The following RPL9 variants were observed in gnomAD, a reference collection of about 807,000 sequenced individuals.
The protein encoded by RPL9 is large ribosomal subunit protein uL6.
For missense variants in RPL9, 149 were observed against 236.7 expected, an observed-to-expected ratio of 0.63 and a Z score of 2.43; for synonymous variants, 82 against 77.1, an observed-to-expected ratio of 1.06 and a Z score of -0.33.
At position 39,458,894 on chromosome 4, in the gene RPL9, G is replaced by T; in HGVS notation, c.-5C>A. 1 of 702,590 alleles carries T rather than the reference G, an allele frequency of 1.4e-6. No homozygotes were observed. The highest frequency in any genetic ancestry group is 1.5e-5 in the South Asian group (1 of 67,000). The allele number at this position is 702,590 out of a possible 1,614,324, so 43.5% of individuals were successfully genotyped here. On this transcript the variant is annotated 5_prime_UTR_variant, in exon 1 of 8. Coordinates refer to ENST00000295955, the MANE Select transcript of RPL9 (RefSeq NM_000661.5). ...ACGAGCACAGAAACATCCTTACCTC[G>T]CAGTAGACGCAGCAAAGAAAGAACG...
chr4:39,457,977 G>GT, intron 3 of RPL9: 1 of 687,580 alleles, frequency 1.5e-6, no homozygotes, highest in South Asian at 1.5e-5. Flanking sequence ...CCATTAAGAC[G>GT]TGTCACTGAT....
At chr4:39,457,046 G>A (rs561408857) in intron 4 of RPL9, 44 of 159,384 alleles carry the variant, frequency 2.8e-4, no homozygotes, top group African/African-American at 1.0e-3. Flanking sequence ...GGGGAGAGAC[G>A]GTGGGTTGGA....
chr4:39,454,708 T>C (rs2109853617), intron 6 of RPL9, 59 bp from the exon 7 acceptor site: 1 of 1,494,696 alleles, frequency 6.7e-7, no homozygotes, highest in East Asian at 2.3e-5. Flanking sequence ...AAAAAGAAAG[T>C]ATTTCATTAT....
rs755510253 is a variant in RPL9, at chr4:39,458,381, T to C, written c.46+13A>G. 6.2e-7 allele frequency: 1 copy of C among 1,614,076 alleles called. No homozygotes were observed. The highest frequency in any genetic ancestry group is 8.5e-7 in the Non-Finnish European group (1 of 1,179,962). On this transcript the variant is annotated intron_variant, in intron 2 of 7. Transcript: ENST00000295955. ...GCAGTAAAGATGTAAGTAAAAGACATCAAGTCTCATACCATTTTCTGGAAT... is the reference window on the plus strand; with the variant it reads ...GCAGTAAAGATGTAAGTAAAAGACACCAAGTCTCATACCATTTTCTGGAAT...
chr4:39,457,539 G>T (rs189580068), intron 4 of RPL9, 47 bp downstream of exon 4: 1 of 1,468,584 alleles, frequency 6.8e-7, no homozygotes, highest in Non-Finnish European at 9.5e-7. Flanking sequence ...GCACAGGTTT[G>T]AGAAACCTCC....
chr4:39,457,469 G>A lies in RPL9; in HGVS notation c.258+117C>T, dbSNP rs149525981. 9.3e-5 allele frequency: 83 copies of A among 897,294 alleles called. No homozygotes were observed. In the African/African-American group the frequency reaches 1.0e-3, roughly 11 times the overall value. The allele number at this position is 897,294 out of a possible 1,614,324, so 55.6% of individuals were successfully genotyped here. On this transcript the variant is annotated intron_variant, in intron 4 of 7. Coordinates refer to ENST00000295955, the MANE Select transcript of RPL9 (RefSeq NM_000661.5). ...ATGCCTATTTTTGCCAAGTTCTTGC[G>A]TATTACACCAAATAAAATACATGAC... is the stretch of plus-strand genomic sequence containing the variant.
intron 5 of RPL9, 45 bp from the exon 6 acceptor site, chr4:39,454,989 A>C: frequency 6.5e-7 from 1 of 1,536,552 alleles, no homozygotes; most frequent in Non-Finnish European, 8.9e-7. Flanking sequence ...TCTGTGTAAA[A>C]AATATTTAAA....
At chr4:39,458,605 G>A (rs1192619350) in intron 1 of RPL9, 165 bp from the exon 2 acceptor site, 4 of 685,440 alleles carry the variant, frequency 5.8e-6, no homozygotes, top group Admixed American at 2.7e-5. Context: ...CAGCCTGGAA[G>A]GAGCAGCCCC....
At chr4:39,456,600 A>G in intron 4 of RPL9, 62 bp from the exon 5 acceptor site, 1 of 1,549,490 alleles carries the variant, frequency 6.5e-7, no homozygotes, top group Non-Finnish European at 8.8e-7. Context: ...TAGTTTTAAA[A>G]TTTTCTAAGA....
chr4:39,458,743 G>C (rs549951178), intron 1 of RPL9, 148 bp downstream of exon 1: 10 of 659,684 alleles, frequency 1.5e-5, no homozygotes, highest in African/African-American at 5.3e-5. Context: ...AACAGGATTC[G>C]CATCTGGCGC....
rs1744033890 is a variant in RPL9 at position 39,455,087 on chromosome 4, C to T, written c.392-143G>A. 6.5e-6 allele frequency: 5 copies of T among 774,220 alleles called. No individual in the cohort carries two copies. In the East Asian group the frequency reaches 1.1e-4, roughly 18 times the overall value. The allele number at this position is 774,220 out of a possible 1,614,324, so 48.0% of individuals were successfully genotyped here. A position where few individuals can be genotyped will look rare whatever the true frequency, so the allele number is the denominator to read the frequency against. On this transcript the variant is annotated intron_variant, in intron 5 of 7. Coordinates refer to ENST00000295955, the MANE Select transcript of RPL9 (RefSeq NM_000661.5). Reference sequence around the variant, plus strand: ...TTTTGAGGCCGGGCACAGTGGCTCACGCCTGTAATCTCAGCACTTTGGGAG... The same window carrying T: ...TTTTGAGGCCGGGCACAGTGGCTCATGCCTGTAATCTCAGCACTTTGGGAG...
intron 2 of RPL9, 34 bp downstream of exon 2, chr4:39,458,360 T>A: frequency 6.2e-7 from 1 of 1,613,938 alleles, no homozygotes; most frequent in Non-Finnish European, 8.5e-7. Flanking sequence ...GAACGTGCAG[T>A]AAAGATGTAA....
At chr4:39,456,795 A>C in intron 4 of RPL9, 2 of 408,050 alleles carry the variant, frequency 4.9e-6, no homozygotes, top group East Asian at 5.0e-5. Flanking sequence ...GAGAACCCCA[A>C]AGCCCTGATC....
At chr4:39,454,405 T>C (rs1744006438) in intron 7 of RPL9, 128 bp downstream of exon 7, 1 of 700,576 alleles carries the variant, frequency 1.4e-6, no homozygotes. Context: ...TTCTGTCAAA[T>C]TTACTGTGTT....
chr4:39,456,304 C>A, intron 5 of RPL9, 102 bp downstream of exon 5: 1 of 1,343,806 alleles, frequency 7.4e-7, no homozygotes, highest in Non-Finnish European at 1.1e-6. Flanking sequence ...TCAGCACAAA[C>A]ACAAAACAAC....
chr4:39,458,654 T>G, intron 1 of RPL9: 1 of 624,234 alleles, frequency 1.6e-6, no homozygotes, highest in Non-Finnish European at 2.8e-6. Flanking sequence ...GAACTCCCAC[T>G]CAGCCCAACC....
chr4:39,458,732 C>G lies in RPL9; in HGVS notation c.-2+159G>C, dbSNP rs11550000. On this transcript the variant is annotated intron_variant, in intron 1 of 7. Coordinates refer to ENST00000295955, the MANE Select transcript of RPL9 (RefSeq NM_000661.5). ...GGGCGGGAATAGGCCAAAAAGCCCA[C>G]AACAGGATTCGCATCTGGCGCCGCC... 0.21 allele frequency: 136,481 copies of G among 653,598 alleles called. 16,609 individuals are homozygous for G. Among genetic ancestry groups the G allele is most frequent in the African/African-American group, 0.43 (24,106 of 56,018 alleles). The allele number at this position is 653,598 out of a possible 1,614,324, so 40.5% of individuals were successfully genotyped here. A position where few individuals can be genotyped will look rare whatever the true frequency, so the allele number is the denominator to read the frequency against.
chr4:39,455,844 T>C, intron 5 of RPL9: 1 of 178,296 alleles, frequency 5.6e-6, no homozygotes, highest in Non-Finnish European at 1.2e-5. Flanking sequence ...CATTGTTGTT[T>C]TTCAACTTTA....
At position 39,457,660 on chromosome 4, in the gene RPL9, C is replaced by T. The variant is rs1467486846; in HGVS notation, c.184G>A (p.Gly62Ser). ...KKRLRVDKWW[G>S]NRKELATVRT... ...ACGGTAGCCAGTTCCTTTCTGTTAC[C>T]CCACCATTTGTCAACCCGGAGCTGT... The change falls in exon 4 of 8, where the codon GGT (glycine) becomes AGT (serine). Residue 62 changes from glycine to serine, a missense_variant. Transcript: ENST00000295955. 1 of 1,613,912 alleles carries T rather than the reference C, an allele frequency of 6.2e-7. No individual in the cohort carries two copies. The highest frequency in any genetic ancestry group is 1.3e-5 in the African/African-American group (1 of 74,890).
Sources: gnomAD v4.1 joint callset for allele counts on GRCh38, gnomAD v4.1.1 for gene constraint, MANE v1.5 for transcripts, NCBI Gene and HGNC (gene_info 2026-07-23, HGNC 2026-07-21) for gene names.